FBXL17: variants seen among roughly 807,000 people sequenced by gnomAD.
FBXL17 encodes the protein F-box/LRR-repeat protein 17.
Under a neutral mutation model 66.2 loss-of-function variants are expected in FBXL17, and 22 were observed. The ratio of observed to expected loss-of-function variants is 0.33; its 90% CI spans 0.24 to 0.47. The LOEUF is 0.47. Ranked by LOEUF, FBXL17 falls within the 20% of genes least tolerant of loss-of-function variation. The pLI, the probability that FBXL17 is intolerant of heterozygous loss-of-function variation, is 1.00. For synonymous variants in FBXL17, 474 were observed against 400.5 expected (o/e 1.18, Z -2.19); for missense variants, 878 against 948.2 (o/e 0.93, Z 0.97).
chr5:108,335,548 G>T (rs1220164314), intron 4 of FBXL17, among the ~76,000 whole-genome samples: 1 of 152,002 alleles, frequency 6.6e-6, no homozygotes, highest in African/African-American at 2.4e-5. Flanking sequence ...ATAACTGGAA[G>T]TTCATTTCTA....
intron 5 of FBXL17, among the ~76,000 whole-genome samples, chr5:108,192,963 G>A (rs1384504963): frequency 6.6e-6 from 1 of 152,164 alleles, no homozygotes; most frequent in Non-Finnish European, 1.5e-5. Context: ...CAGCATGGAT[G>A]TTCTATCACT....
At chr5:107,994,840 AAAAAACAAAAAC>A (rs892650018) in intron 7 of FBXL17, among the ~76,000 whole-genome samples, 1 of 152,218 alleles carries the variant, frequency 6.6e-6, no homozygotes, top group Non-Finnish European at 1.5e-5. Context: ...GCTCCATCTC[AAAAAACAAAAAC>A]AAAAACAAAA....
chr5:108,137,889 A>G (rs1255284845), intron 6 of FBXL17, among the ~76,000 whole-genome samples: 1 of 152,216 alleles, frequency 6.6e-6, no homozygotes, highest in African/African-American at 2.4e-5. Flanking sequence ...ATCTATGCCT[A>G]GACTATCGAT....
intron 4 of FBXL17, among the ~76,000 whole-genome samples, chr5:108,309,089 C>T (rs1674404716): frequency 6.6e-6 from 1 of 151,894 alleles, no homozygotes; most frequent in African/African-American, 2.4e-5. Context: ...CAGAAACAAC[C>T]TAAATATGAA....
intron 7 of FBXL17, among the ~76,000 whole-genome samples, chr5:108,008,989 G>C (rs979197333): frequency 1.3e-5 from 2 of 151,124 alleles, no homozygotes; most frequent in Non-Finnish European, 2.9e-5. Context: ...GAAAGAGATA[G>C]TAAGTAGGAA....
Position 107,906,232 on chromosome 5 carries a change from T to C in FBXL17, c.1823-25053A>G, listed in dbSNP as rs573247597. ...CCTTAAACATCATAGTGATTCAAGA[T>C]GTTATGTTTATATGTATATGCTAAA... On this transcript the variant is annotated intron_variant, in intron 7 of 8. Coordinates refer to ENST00000542267, the MANE Select transcript of FBXL17 (RefSeq NM_001163315.3). Among the ~76,000 whole-genome samples the C allele has an allele frequency of 3.3e-5, 5 of 152,264 alleles. No homozygotes were observed. In the South Asian group the frequency reaches 1.0e-3, roughly 32 times the overall value.
chr5:108,134,362 T>C lies in FBXL17; in HGVS notation c.1745+51755A>G, dbSNP rs1751050937. On this transcript the variant is annotated intron_variant, in intron 6 of 8. Coordinates refer to ENST00000542267, the MANE Select transcript of FBXL17 (RefSeq NM_001163315.3). ...ATTTCATAATGCAAATAATTCCCTATTCACTTTGTCTGGTTTTTACTTCTA... is the reference window on the plus strand; with the variant it reads ...ATTTCATAATGCAAATAATTCCCTACTCACTTTGTCTGGTTTTTACTTCTA... Among the ~76,000 whole-genome samples, 4 of 152,312 alleles carry C rather than the reference T, an allele frequency of 2.6e-5. No homozygotes were observed. The South Asian group carries it at 8.3e-4, about 32-fold the overall frequency.
chr5:108,305,954 AT>A (rs1758819530), intron 4 of FBXL17, among the ~76,000 whole-genome samples: 1 of 152,054 alleles, frequency 6.6e-6, no homozygotes, highest in South Asian at 2.1e-4. Context: ...GATCTCATAA[AT>A]TTATATCAAA....
At chr5:107,966,697 A>G (rs1561343348) in intron 7 of FBXL17, among the ~76,000 whole-genome samples, 1 of 152,116 alleles carries the variant, frequency 6.6e-6, no homozygotes, top group Non-Finnish European at 1.5e-5. Context: ...ATATAACAAA[A>G]TTGGCCATGT....
At chr5:108,119,694 C>A (rs1401656934) in intron 6 of FBXL17, among the ~76,000 whole-genome samples, 1 of 152,162 alleles carries the variant, frequency 6.6e-6, no homozygotes, top group African/African-American at 2.4e-5. Context: ...TTTACTTAGA[C>A]ATTTTGCACA....
At chr5:107,874,874 T>G (rs1428724542) in intron 8 of FBXL17, among the ~76,000 whole-genome samples, 1 of 152,218 alleles carries the variant, frequency 6.6e-6, no homozygotes, top group Non-Finnish European at 1.5e-5. Flanking sequence ...CTGGAGAAAC[T>G]GTTTCATCAG....
chr5:108,302,103 T>C, intron 4 of FBXL17: 3 of 803,880 alleles, frequency 3.7e-6, no homozygotes, highest in Non-Finnish European at 3.0e-6. Context: ...ATAAAGTAAT[T>C]GGTCAAGGCT....
chr5:108,023,245 A>G (rs1043449151), intron 6 of FBXL17, among the ~76,000 whole-genome samples: 1 of 152,146 alleles, frequency 6.6e-6, no homozygotes, highest in Non-Finnish European at 1.5e-5. Flanking sequence ...TGGAGACAAA[A>G]CCATACTCCT....
rs1318675013 is a variant in FBXL17, at chr5:108,205,883, C to T, written c.1614+18238G>A. On this transcript the variant is annotated intron_variant, in intron 5 of 8. Transcript: ENST00000542267. ...TTCCGAGTAGATGGGATTACAGTCA[C>T]TCCCCACCCTGCCTGGCTAATTTTT... Among the ~76,000 whole-genome samples the T allele has an allele frequency of 5.3e-5, 8 of 152,038 alleles. 1 individual carries two copies. Among genetic ancestry groups the T allele is most frequent in the Non-Finnish European group, 4.4e-5 (3 of 67,980 alleles).
Position 108,032,453 on chromosome 5 carries a change from CA to C in FBXL17, c.1746-11453del, listed in dbSNP as rs1213135305. ...TTACCTTCCATGGAAAGAGTGTCTGCAGGTATGATTTTGAGATGGAGAGATT... is the reference window on the plus strand; with the variant it reads ...TTACCTTCCATGGAAAGAGTGTCTGCGGTATGATTTTGAGATGGAGAGATT... On this transcript the variant is annotated intron_variant, in intron 6 of 8. Coordinates refer to ENST00000542267, the MANE Select transcript of FBXL17 (RefSeq NM_001163315.3). 4.6e-5 allele frequency among the ~76,000 whole-genome samples: 7 copies of C among 151,838 alleles called. 1 individual carries two copies. The highest frequency in any genetic ancestry group is 1.7e-4 in the African/African-American group (7 of 41,418).
intron 4 of FBXL17, among the ~76,000 whole-genome samples, chr5:108,275,193 G>A (rs369956122): frequency 6.6e-6 from 1 of 152,174 alleles, no homozygotes; most frequent in African/African-American, 2.4e-5. Context: ...AGAGGATAAG[G>A]ACACTTCTTT....
intron 7 of FBXL17, among the ~76,000 whole-genome samples, chr5:108,015,769 G>A (rs916106856): frequency 6.6e-6 from 1 of 152,080 alleles, no homozygotes; most frequent in African/African-American, 2.4e-5. Context: ...TAAAAGGGTT[G>A]GTATCCCAAG....
At chr5:107,880,938 A>T in intron 8 of FBXL17, 99 bp downstream of exon 8, 2 of 1,596,090 alleles carry the variant, frequency 1.3e-6, no homozygotes, top group Non-Finnish European at 1.7e-6. Context: ...ATAATATATA[A>T]TACACGGGGG....
At chr5:108,158,412 AG>A (rs1752076989) in intron 6 of FBXL17, among the ~76,000 whole-genome samples, 1 of 152,164 alleles carries the variant, frequency 6.6e-6, no homozygotes, top group Non-Finnish European at 1.5e-5. Flanking sequence ...TTAAGCAACT[AG>A]GAAGTAGTGT....
Sources: allele counts gnomAD v4.1 joint callset (sites outside exome capture counted in the v4.1 genomes callset), GRCh38; gene constraint gnomAD v4.1.1; transcripts MANE v1.5; gene names NCBI Gene and HGNC (gene_info 2026-07-23, HGNC 2026-07-21).